PLCH2: variants seen among roughly 807,000 people sequenced by gnomAD.
PLCH2 encodes the protein 1-phosphatidylinositol 4,5-bisphosphate phosphodiesterase eta-2.
Under a neutral mutation model 134.7 loss-of-function variants are expected in PLCH2, and 98 were observed. The observed-to-expected ratio is 0.73, with a 90% CI of 0.62 to 0.86. The LOEUF (loss-of-function observed/expected upper bound fraction) is 0.86. PLCH2 is among the 40% of genes least tolerant of loss of function. The probability of loss-of-function intolerance (pLI) is 0.00; values close to 1 mark genes in which losing one functional copy is unlikely to be tolerated. For missense variants in PLCH2, 1,994 were observed against 1,986.6 expected (o/e 1.00, Z -0.07); for synonymous variants, 974 against 827.5 (o/e 1.18, Z -3.04).
At chr1:2,494,162 G>A (rs571249445) in intron 11 of PLCH2, among the ~76,000 whole-genome samples, 3 of 152,326 alleles carry the variant, frequency 2.0e-5, no homozygotes, top group African/African-American at 7.2e-5. Flanking sequence ...TTTTGGAGGT[G>A]TCTGTGGGAG....
rs1464026971 is a variant in PLCH2, at chr1:2,448,743, G to T, written c.115+18114G>T. 6.6e-6 allele frequency among the ~76,000 whole-genome samples: 1 copy of T among 152,012 alleles called. No individual in the cohort carries two copies. The highest frequency in any genetic ancestry group is 1.5e-5 in the Non-Finnish European group (1 of 67,978). ...GCTCCCCACCATCCCCCCTGGTGCA[G>T]CCTCCTGGCTCCCCACCATCCAGTC... is the stretch of plus-strand genomic sequence containing the variant. On this transcript the variant is annotated intron_variant, in intron 2 of 3. Transcript: ENST00000609981. This position sits in a 1 kb window ranked among gnomAD's most constrained non-coding sequence, Gnocchi z 4.0.
At chr1:2,438,791 A>G (rs1485096490) in intron 2 of PLCH2, among the ~76,000 whole-genome samples, 1 of 151,874 alleles carries the variant, frequency 6.6e-6, no homozygotes, top group Non-Finnish European at 1.5e-5. Context: ...CCAGTCTGCC[A>G]CCCTCCCTGT....
chr1:2,438,069 G>C (rs1639516964), intron 2 of PLCH2, among the ~76,000 whole-genome samples: 1 of 152,242 alleles, frequency 6.6e-6, no homozygotes, highest in Non-Finnish European at 1.5e-5. Context: ...TTGGTTGTGT[G>C]CTGGCTTTGC....
At chr1:2,491,645 G>A (rs999654204) in intron 11 of PLCH2, among the ~76,000 whole-genome samples, 2 of 152,232 alleles carry the variant, frequency 1.3e-5, no homozygotes, top group South Asian at 2.1e-4. Context: ...CACATGGAGC[G>A]AATGGCCCTC....
intron 4 of PLCH2, 71 bp from the exon 5 acceptor site, chr1:2,484,377 G>T (rs781233368): frequency 2.1e-5 from 31 of 1,488,986 alleles, no homozygotes; most frequent in Non-Finnish European, 2.7e-5. Flanking sequence ...GAGTGGGGTG[G>T]TCCTGAAGGA....
chr1:2,505,071 G>A lies in PLCH2; in HGVS notation c.4109G>A (p.Gly1370Glu). The part of the protein sequence containing the change: ...QQRLQGLGRQ[G>E]PPEEERGTPE... ...AGACTGCAGGGCCTGGGCCGGCAGG[G>A]ACCCCCAGAAGAGGAGCGGGGCACC... is the stretch of plus-strand genomic sequence containing the variant. The change falls in exon 22 of 22, where the codon GGA becomes GAA. Residue 1370 changes from glycine (G) to glutamate (E), a missense_variant. This residue lies in a region of PLCH2 where 900 missense variants were observed against 752.3 expected (regional missense o/e 1.20). Coordinates refer to ENST00000378486, the MANE Select transcript of PLCH2 (RefSeq NM_014638.4). The A allele has an allele frequency of 6.5e-7, 1 of 1,538,432 alleles. No individual in the cohort carries two copies.
chr1:2,442,980 G>A (rs1639758812), intron 2 of PLCH2, among the ~76,000 whole-genome samples: 1 of 152,248 alleles, frequency 6.6e-6, no homozygotes, highest in South Asian at 2.1e-4. Context: ...TGGTGGGCAG[G>A]GAGGGTCCCC....
chr1:2,457,356 A>G (rs1301059465), intron 2 of PLCH2, among the ~76,000 whole-genome samples: 2 of 151,794 alleles, frequency 1.3e-5, no homozygotes, highest in Admixed American at 6.5e-5. Flanking sequence ...GTGAGTGGCC[A>G]GGGGCTGGGG....
Position 2,451,891 on chromosome 1 carries a change from C to T in PLCH2, c.115+21262C>T, listed in dbSNP as rs558510970. On this transcript the variant is annotated intron_variant, in intron 2 of 3. Coordinates refer to the PLCH2 transcript ENST00000609981. Reference sequence around the variant, plus strand: ...CTGAGCTGTCACGGATGCCTGTCATCGGCATGCTGGTGGGGAAGTGTCTGT... The same window carrying T: ...CTGAGCTGTCACGGATGCCTGTCATTGGCATGCTGGTGGGGAAGTGTCTGT... Among the ~76,000 whole-genome samples the T allele has an allele frequency of 3.7e-3, 562 of 152,288 alleles. 7 individuals are homozygous for T. The highest frequency in any genetic ancestry group is 0.013 in the African/African-American group (524 of 41,564).
upstream of PLCH2, among the ~76,000 whole-genome samples, chr1:2,422,535 C>T (rs1225840445): frequency 6.6e-6 from 1 of 152,162 alleles, no homozygotes; most frequent in Non-Finnish European, 1.5e-5. Context: ...TCTGATGGTA[C>T]ACCCGGACTG....
In PLCH2 at chr1:2,496,685, C is replaced by T; in HGVS notation, c.1914C>T (p.Thr638=). The change falls in exon 14 of 22, where the codon ACC becomes ACT. Residue 638 remains threonine, a synonymous_variant. Transcript: ENST00000378486. The part of the protein sequence containing the change: ...DLVKYTKSVA[T]HDIEMEAASS... Reference sequence around the variant, plus strand: ...TGAAGTACACCAAGTCCGTGGCCACCCACGACATAGAGATGGAGGGTGAGT... The same window carrying T: ...TGAAGTACACCAAGTCCGTGGCCACTCACGACATAGAGATGGAGGGTGAGT... 6.2e-7 allele frequency: 1 copy of T among 1,611,828 alleles called. No homozygotes were observed.
chr1:2,474,113 G>T (rs1024002548), upstream of PLCH2, among the ~76,000 whole-genome samples: 67 of 152,058 alleles, frequency 4.4e-4, no homozygotes, highest in Non-Finnish European at 4.4e-5. Flanking sequence ...CGTCAGTGCA[G>T]GCTGTGGGGC....
intron 2 of PLCH2, among the ~76,000 whole-genome samples, chr1:2,438,239 C>A (rs780962176): frequency 6.6e-6 from 1 of 152,236 alleles, no homozygotes; most frequent in Non-Finnish European, 1.5e-5. Context: ...TGCTGGCGCC[C>A]GGCCCTGTGC....
At chr1:2,455,263 T>C (rs1395306401) in intron 2 of PLCH2, among the ~76,000 whole-genome samples, 1 of 152,192 alleles carries the variant, frequency 6.6e-6, no homozygotes, top group Non-Finnish European at 1.5e-5. Flanking sequence ...GGCTGCGTGA[T>C]GGCCAGTCTA....
upstream of PLCH2, among the ~76,000 whole-genome samples, chr1:2,462,476 AC>A (rs77131659): frequency 0.076 from 11,013 of 144,168 alleles, 464 homozygotes; most frequent in South Asian, 0.13. Flanking sequence ...TCCACCTGAC[AC>A]CCCCTCTGCC....
In PLCH2 at chr1:2,498,709, T is replaced by C. The variant is rs775531557; in HGVS notation, c.2350-35T>C. 11 of 1,576,674 alleles carry C rather than the reference T, an allele frequency of 7.0e-6. No homozygotes were observed. The highest frequency in any genetic ancestry group is 8.6e-6 in the Non-Finnish European group (10 of 1,157,690). ...GTTGGGGGCGGGCCGGGCATCGCGA[T>C]GGGCCCTGATGCCACCCCCACTCCT... On this transcript the variant is annotated intron_variant, in intron 17 of 21. Transcript: ENST00000378486. The surrounding 1 kb of genome is among the most constrained non-coding windows in gnomAD (Gnocchi z 5.4).
At position 2,499,085 on chromosome 1, in the gene PLCH2, G is replaced by C. The variant is rs1252116826; in HGVS notation, c.2436G>C (p.Gly812=). 1 of 1,608,990 alleles carries C rather than the reference G, an allele frequency of 6.2e-7. No individual in the cohort carries two copies. The highest frequency in any genetic ancestry group is 1.7e-5 in the Admixed American group (1 of 59,506). ...REQTRVVDDN[G]FNPTWEETLV... is the part of the protein sequence containing the mutation. Reference sequence around the variant, plus strand: ...CTCCTCCTGGCGCTGCTTCCCCAGGGTTCAACCCCACCTGGGAGGAGACCC... The same window carrying C: ...CTCCTCCTGGCGCTGCTTCCCCAGGCTTCAACCCCACCTGGGAGGAGACCC... The change falls in exon 19 of 22, where the codon GGG becomes GGC. Residue 812 remains glycine, a splice_region_variant and synonymous_variant. Transcript: ENST00000378486.
At position 2,484,589 on chromosome 1, in the gene PLCH2, C is replaced by G; in HGVS notation, c.787C>G (p.Leu263Val). Residue 263 changes from leucine to valine, a missense_variant, in exon 5 of 22, where the codon CTG becomes GTG. This residue lies in a region of PLCH2 where 1,094 missense variants were observed against 1,234.3 expected (regional missense o/e 0.89). Coordinates refer to ENST00000378486, the MANE Select transcript of PLCH2 (RefSeq NM_014638.4). Reference protein sequence around the residue: ...NHKDHLDAASLQRFLQVEQKM... With the variant: ...NHKDHLDAASVQRFLQVEQKM... ...CAAGGACCACCTGGATGCCGCCAGC[C>G]TGCAGCGCTTCCTGCAGGTGGAGCA... 1 of 1,612,738 alleles carries G rather than the reference C, an allele frequency of 6.2e-7. No homozygotes were observed. The highest frequency in any genetic ancestry group is 8.5e-7 in the Non-Finnish European group (1 of 1,179,794).
In PLCH2 at chr1:2,502,895, C is replaced by T. The variant is rs776983669; in HGVS notation, c.2959+486C>T. On this transcript the variant is annotated intron_variant, in intron 21 of 21. Transcript: ENST00000378486. ...GCTGGAGGAGATCAGGAGTAAATCC[C>T]CCATGTTCTCCGCCGGTAAGCCCCT... The T allele has an allele frequency of 5.6e-6, 4 of 717,062 alleles. No homozygotes were observed. The South Asian group carries it at 5.9e-5, about 11-fold the overall frequency. The allele number at this position is 717,062 out of a possible 1,614,324, so 44.4% of individuals were successfully genotyped here.
Sources: allele counts gnomAD v4.1 joint callset (sites outside exome capture counted in the v4.1 genomes callset), GRCh38; gene constraint gnomAD v4.1.1; regional missense constraint gnomAD v4.1.1; non-coding constraint Gnocchi (gnomAD v3.1); transcripts MANE v1.5; gene names NCBI Gene and HGNC (gene_info 2026-07-23, HGNC 2026-07-21).